Variants in LRGUK observed in about 807,000 individuals in gnomAD.
The protein encoded by LRGUK is leucine rich repeats and guanylate kinase domain containing.
In LRGUK, 65 loss-of-function variants were observed where a neutral mutation model predicts 76.0. That is an observed-to-expected ratio of 0.85 (90% CI 0.70 to 1.05). LRGUK has a LOEUF of 1.05. Among genes scored for constraint, LRGUK ranks in the 50% least tolerant of loss-of-function variants. The pLI is 0.00. For missense variants in LRGUK, 758 were observed against 732.8 expected (o/e 1.03, Z -0.40); for synonymous variants, 268 against 265.6 (o/e 1.01, Z -0.09).
chr7:134,268,715 A>ATTTT (rs1802904887), downstream of LRGUK, among the ~76,000 whole-genome samples: 7 of 111,858 alleles, frequency 6.3e-5, no homozygotes, highest in South Asian at 2.7e-4. Flanking sequence ...TATGCAAAAA[A>ATTTT]TCTTTTTTTT....
intron 10 of LRGUK, among the ~76,000 whole-genome samples, chr7:134,179,279 A>G (rs1799637202): frequency 6.6e-6 from 1 of 152,188 alleles, no homozygotes; most frequent in South Asian, 2.1e-4. Context: ...TTTTAAAACA[A>G]TCTGTTGGAG....
chr7:134,128,739 C>T (rs1449610245), intron 1 of LRGUK, among the ~76,000 whole-genome samples: 1 of 152,036 alleles, frequency 6.6e-6, no homozygotes, highest in African/African-American at 2.4e-5. Context: ...TTAGTAGAGA[C>T]GAGGTTTCAC....
chr7:134,268,690 C>A (rs1161214144), downstream of LRGUK, among the ~76,000 whole-genome samples: 1 of 146,844 alleles, frequency 6.8e-6, no homozygotes, highest in Non-Finnish European at 1.5e-5. Context: ...AAACTACAAA[C>A]CAATATCACT....
Position 134,187,280 on chromosome 7 carries a change from A to G in LRGUK, c.1334+3427A>G, listed in dbSNP as rs535642059. Among the ~76,000 whole-genome samples the G allele has an allele frequency of 4.2e-3, 634 of 152,266 alleles. 4 individuals are homozygous for G. Among genetic ancestry groups the G allele is most frequent in the Non-Finnish European group, 6.2e-3 (425 of 68,006 alleles). The stretch of plus-strand genomic sequence containing the variant: ...TTATTCTTTATCCAACATAAGTTTT[A>G]TTGATTTTTAATTATGTGAAAAGAA... On this transcript the variant is annotated intron_variant, in intron 11 of 15. Coordinates refer to ENST00000645682, the Ensembl canonical transcript of LRGUK.
At chr7:134,128,653 G>A (rs1408476394) in intron 1 of LRGUK, among the ~76,000 whole-genome samples, 9 of 152,190 alleles carry the variant, frequency 5.9e-5, no homozygotes, top group Admixed American at 5.2e-4. Context: ...GGGTTCAAGC[G>A]ATTGTCCTGC....
At chr7:134,213,595 A>C (rs1351908922), downstream of LRGUK, among the ~76,000 whole-genome samples, 3 of 152,194 alleles carry the variant, frequency 2.0e-5, no homozygotes, top group African/African-American at 7.2e-5. Context: ...GAGGCTCCTG[A>C]AGGCATTTGG....
intron 18 of LRGUK, among the ~76,000 whole-genome samples, chr7:134,255,095 C>T (rs1161162525): frequency 1.3e-5 from 2 of 151,816 alleles, no homozygotes; most frequent in Non-Finnish European, 2.9e-5. Flanking sequence ...TAAGTCAATC[C>T]AAAACAATTG....
rs964894610 is a variant in LRGUK at position 134,251,659 on chromosome 7, G to A, written c.2198+2583G>A. Reference sequence around the variant, plus strand: ...TTTAATTTATATGTTATACATATAAGCTACTATCGTATGCACTATATCTTT... The same window carrying A: ...TTTAATTTATATGTTATACATATAAACTACTATCGTATGCACTATATCTTT... On this transcript the variant is annotated intron_variant, in intron 18 of 19. Coordinates refer to the LRGUK transcript ENST00000285928. 5.9e-5 allele frequency among the ~76,000 whole-genome samples: 9 copies of A among 152,152 alleles called. No homozygotes were observed. The East Asian group carries it at 1.2e-3, about 20-fold the overall frequency.
At chr7:134,137,607 GA>G (rs11287619) in intron 2 of LRGUK, among the ~76,000 whole-genome samples, 149,189 of 151,800 alleles carry the variant, frequency 0.98, 73,374 homozygotes, top group Middle Eastern at 1. Context: ...TATCATTAAA[GA>G]AAAAAAAAAT....
chr7:134,268,640 A>G (rs754020141), downstream of LRGUK, among the ~76,000 whole-genome samples: 182 of 151,866 alleles, frequency 1.2e-3, no homozygotes, highest in Non-Finnish European at 2.2e-3. Context: ...TATGAGGCCA[A>G]TATTACCCTG....
chr7:134,247,439 C>T lies in LRGUK; in HGVS notation c.1984-117C>T, dbSNP rs541080659. On this transcript the variant is annotated intron_variant, in intron 16 of 19. Coordinates refer to the LRGUK transcript ENST00000285928. Reference sequence around the variant, plus strand: ...ATCAATTGTTTTTTATGCCTTTTCCCCCTTTTTCTTCCCACATATTTGTCA... The same window carrying T: ...ATCAATTGTTTTTTATGCCTTTTCCTCCTTTTTCTTCCCACATATTTGTCA... 2.2e-4 allele frequency: 137 copies of T among 618,488 alleles called. No individual in the cohort carries two copies. The Middle Eastern group carries it at 2.7e-3, about 12-fold the overall frequency. 38.3% of individuals were successfully genotyped at this position (618,488 alleles called of 1,614,324 possible).
At chr7:134,271,626 A>G in the LRGUK span, among the ~76,000 whole-genome samples, 2 of 152,002 alleles carry the variant, frequency 1.3e-5, no homozygotes, top group Non-Finnish European at 2.9e-5. Context: ...GGAGTTGGTT[A>G]GAATTACATT....
At chr7:134,263,989 G>A (rs758563172) in exon 20 of LRGUK, 1 of 1,598,282 alleles carries the variant, frequency 6.3e-7, no homozygotes, top group South Asian at 1.1e-5. Context: ...AGCACTTGAT[G>A]TCTGATCCTA....
At chr7:134,160,831 C>G (rs1227329278) in intron 6 of LRGUK, among the ~76,000 whole-genome samples, 3 of 152,102 alleles carry the variant, frequency 2.0e-5, no homozygotes, top group African/African-American at 7.2e-5. Context: ...CTTTTCCCAA[C>G]TAATCATTAT....
chr7:134,149,571 G>A (rs966259241), intron 5 of LRGUK, among the ~76,000 whole-genome samples: 1 of 152,210 alleles, frequency 6.6e-6, no homozygotes, highest in Non-Finnish European at 1.5e-5. Context: ...TAGAACTTGT[G>A]TGTGAAAATG....
Position 134,247,548 on chromosome 7 carries a change from T to G in LRGUK, c.1984-8T>G. The G allele has an allele frequency of 1.2e-6, 2 of 1,604,540 alleles. No individual in the cohort carries two copies. Among genetic ancestry groups the G allele is most frequent in the Non-Finnish European group, 1.7e-6 (2 of 1,172,732 alleles). Reference sequence around the variant, plus strand: ...CAATGCAATTTTCTAATGACATTTCTTACCTAGGAAAGAGATTCTATACAC... The same window carrying G: ...CAATGCAATTTTCTAATGACATTTCGTACCTAGGAAAGAGATTCTATACAC... On this transcript the variant is annotated splice_region_variant and splice_polypyrimidine_tract_variant and intron_variant, in intron 16 of 19. Coordinates refer to the LRGUK transcript ENST00000285928.
chr7:134,146,073 G>C (rs1305517832), intron 4 of LRGUK, among the ~76,000 whole-genome samples: 1 of 152,100 alleles, frequency 6.6e-6, no homozygotes, highest in Non-Finnish European at 1.5e-5. Context: ...AGGGGTTCAA[G>C]ACCAGCCATG....
chr7:134,176,447 T>C (rs868176764), intron 8 of LRGUK, among the ~76,000 whole-genome samples: 24 of 152,212 alleles, frequency 1.6e-4, no homozygotes, highest in Middle Eastern at 3.4e-3. Context: ...TGGCGCGATC[T>C]CGGCTCACTG....
chr7:134,221,473 T>A (rs1183296989), intron 15 of LRGUK, among the ~76,000 whole-genome samples: 1 of 152,224 alleles, frequency 6.6e-6, no homozygotes, highest in Non-Finnish European at 1.5e-5. Context: ...GGGTAATTTT[T>A]CAATTAAATA....
Sources: gnomAD v4.1 joint callset for allele counts (sites outside exome capture counted in the v4.1 genomes callset) on GRCh38, gnomAD v4.1.1 for gene constraint, MANE v1.5 for transcripts, NCBI Gene and HGNC (gene_info 2026-07-23, HGNC 2026-07-21) for gene names.